The following FCHO2 variants were observed in gnomAD, a reference collection of about 807,000 sequenced individuals.
FCHO2 encodes F-BAR domain only protein 2.
Under a neutral mutation model 114.1 loss-of-function variants are expected in FCHO2, and 43 were observed. That is an observed-to-expected ratio of 0.38 (90% CI 0.30 to 0.49). The LOEUF is 0.49. Among genes scored for constraint, FCHO2 ranks in the 20% least tolerant of loss-of-function variants. FCHO2 has a pLI of 0.97. For synonymous variants in FCHO2, 293 were observed against 315.2 expected, an observed-to-expected ratio of 0.93 and a Z score of 0.75; for missense variants, 807 against 950.4, an observed-to-expected ratio of 0.85 and a Z score of 1.98.
At position 73,068,779 on chromosome 5, in the gene FCHO2, G is replaced by A; in HGVS notation, c.1579G>A (p.Gly527Ser). ...GAGTGCTGCCAATACTCCAACAGTAGGTAAGTGATTATCATCAATTACATG... is the reference window on the plus strand; with the variant it reads ...GAGTGCTGCCAATACTCCAACAGTAAGTAAGTGATTATCATCAATTACATG... Reference protein sequence around the residue: ...SLSAANTPTVGVSRGPSPVSL... With the variant: ...SLSAANTPTVSVSRGPSPVSL... The change falls in exon 19 of 26, where the codon GGT (glycine) becomes AGT (serine). Residue 527 changes from glycine to serine, a missense_variant and splice_region_variant. Physicochemically the swap from Gly to Ser is moderately conservative, Grantham distance 56 (BLOSUM62 0). Transcript: ENST00000430046. 2 of 1,610,284 alleles carry A rather than the reference G, an allele frequency of 1.2e-6. No individual in the cohort carries two copies. The highest frequency in any genetic ancestry group is 1.7e-6 in the Non-Finnish European group (2 of 1,178,064).
intron 1 of FCHO2, among the ~76,000 whole-genome samples, chr5:72,966,154 A>G (rs889861733): frequency 6.6e-6 from 1 of 152,174 alleles, no homozygotes; most frequent in Non-Finnish European, 1.5e-5. Flanking sequence ...AGGTGGGAGG[A>G]TTGCTTGAGG....
chr5:73,012,404 C>T (rs181541738), intron 6 of FCHO2, among the ~76,000 whole-genome samples: 4 of 152,118 alleles, frequency 2.6e-5, no homozygotes, highest in Admixed American at 2.0e-4. Flanking sequence ...AGGTGGATCA[C>T]GAGGTCAAGA....
intron 24 of FCHO2, among the ~76,000 whole-genome samples, 162 bp downstream of exon 24, chr5:73,082,987 C>A (rs1743170883): frequency 1.3e-5 from 2 of 152,048 alleles, no homozygotes; most frequent in South Asian, 4.1e-4. Context: ...GATTCTCCTG[C>A]CTCAGACTCC....
chr5:72,959,939 C>T (rs1300633677), intron 1 of FCHO2, among the ~76,000 whole-genome samples: 1 of 152,184 alleles, frequency 6.6e-6, no homozygotes, highest in Non-Finnish European at 1.5e-5. Context: ...GCCACCATGA[C>T]CAGCTGGTTT....
At chr5:73,025,319 C>T (rs1179791336) in intron 8 of FCHO2, among the ~76,000 whole-genome samples, 1 of 150,584 alleles carries the variant, frequency 6.6e-6, no homozygotes, top group Non-Finnish European at 1.5e-5. Flanking sequence ...AGCGATTCTA[C>T]TGCCTCAGCC....
Position 73,075,775 on chromosome 5 carries a change from G to A in FCHO2, c.1691+922G>A, listed in dbSNP as rs75086285. On this transcript the variant is annotated intron_variant, in intron 20 of 25. Transcript: ENST00000430046. ...CAGAGCAGGTGATGAGTAGTAATGA[G>A]ATTCTGAATATATTTTGAGAACAGA... Among the ~76,000 whole-genome samples the A allele has an allele frequency of 3.7e-3, 569 of 152,228 alleles. 2 individuals are homozygous for A. Among genetic ancestry groups the A allele is most frequent in the African/African-American group, 0.013 (539 of 41,558 alleles).
chr5:73,008,372 C>A (rs1270409149), intron 6 of FCHO2, among the ~76,000 whole-genome samples: 1 of 152,048 alleles, frequency 6.6e-6, no homozygotes, highest in East Asian at 1.9e-4. Context: ...GAGAAGGAGA[C>A]AAGTGAATGC....
chr5:72,962,097 T>C (rs1486990948), intron 1 of FCHO2, among the ~76,000 whole-genome samples: 1 of 152,188 alleles, frequency 6.6e-6, no homozygotes, highest in Non-Finnish European at 1.5e-5. Flanking sequence ...ATTATAGTGT[T>C]TTAGATTGCA....
chr5:73,039,943 GA>G (rs1187248259), intron 10 of FCHO2, among the ~76,000 whole-genome samples: 2,186 of 117,670 alleles, frequency 0.019, 44 homozygotes, highest in African/African-American at 0.061. Context: ...GAGAAAAAAA[GA>G]AAAAAAAAAA....
At chr5:73,042,700 CAG>C (rs900695493) in intron 11 of FCHO2, among the ~76,000 whole-genome samples, 5 of 152,194 alleles carry the variant, frequency 3.3e-5, no homozygotes, top group East Asian at 1.9e-4. Flanking sequence ...CAAGACGTGA[CAG>C]GGGTTAATTG....
At chr5:72,991,306 C>T (rs1041244698) in intron 5 of FCHO2, among the ~76,000 whole-genome samples, 6 of 152,162 alleles carry the variant, frequency 3.9e-5, no homozygotes, top group Non-Finnish European at 5.9e-5. Flanking sequence ...TCAGGTGATC[C>T]GCCCACCTTG....
At chr5:73,063,738 A>C (rs930288116) in intron 17 of FCHO2, 103 bp from the exon 18 acceptor site, 4 of 989,414 alleles carry the variant, frequency 4.0e-6, no homozygotes. Context: ...CTCCTGAAAA[A>C]TGAGCTTTGA....
chr5:72,956,282 A>G (rs1323685436), intron 1 of FCHO2, among the ~76,000 whole-genome samples, 153 bp downstream of exon 1: 3 of 146,852 alleles, frequency 2.0e-5, no homozygotes, highest in Non-Finnish European at 3.0e-5. Flanking sequence ...CCGGCGGGCG[A>G]CCGGTCGCCA....
chr5:73,067,558 C>G (rs1742414751), intron 18 of FCHO2, among the ~76,000 whole-genome samples: 1 of 151,972 alleles, frequency 6.6e-6, no homozygotes, highest in Non-Finnish European at 1.5e-5. Flanking sequence ...ATGTGTATCT[C>G]TAAGTTTATA....
In FCHO2 at chr5:73,063,602, A is replaced by C. The variant is rs192802855; in HGVS notation, c.1346-239A>C. 9.2e-5 allele frequency among the ~76,000 whole-genome samples: 14 copies of C among 152,184 alleles called. No individual in the cohort carries two copies. In the East Asian group the frequency reaches 2.5e-3, roughly 27 times the overall value. Reference sequence around the variant, plus strand: ...TGTATAGATAATGAAACAGGAATAAAATTTATATGTGTCAGTTATTGAAAG... The same window carrying C: ...TGTATAGATAATGAAACAGGAATAACATTTATATGTGTCAGTTATTGAAAG... On this transcript the variant is annotated intron_variant, in intron 17 of 25. Transcript: ENST00000430046.
intron 18 of FCHO2, 38 bp downstream of exon 18, chr5:73,063,982 T>C: frequency 6.6e-7 from 1 of 1,516,138 alleles, no homozygotes; most frequent in South Asian, 1.2e-5. Context: ...TTTAACTGTT[T>C]TGATTTAAGA....
chr5:73,044,674 TTTTTTC>T (rs748289614), intron 11 of FCHO2, among the ~76,000 whole-genome samples: 10 of 152,154 alleles, frequency 6.6e-5, no homozygotes, highest in Non-Finnish European at 1.0e-4. Context: ...TCTTTTTTTC[TTTTTTC>T]TTTTTCTTTT....
At chr5:73,077,637 C>A in intron 21 of FCHO2, 144 bp downstream of exon 21, 1 of 878,052 alleles carries the variant, frequency 1.1e-6, no homozygotes, top group Non-Finnish European at 1.6e-6. Flanking sequence ...CAAAACCAGC[C>A]TGAGCAATGT....
chr5:73,006,330 A>G, intron 5 of FCHO2, 115 bp from the exon 6 acceptor site: 1 of 558,548 alleles, frequency 1.8e-6, no homozygotes, highest in Non-Finnish European at 2.8e-6. Context: ...AAAGTTAGTT[A>G]TATGTCATAT....
Sources: gnomAD v4.1 joint callset for allele counts (sites outside exome capture counted in the v4.1 genomes callset) on GRCh38, gnomAD v4.1.1 for gene constraint, MANE v1.5 for transcripts, NCBI Gene and HGNC (gene_info 2026-07-23, HGNC 2026-07-21) for gene names.